TMCO4: variants seen among roughly 807,000 people sequenced by gnomAD.
The protein encoded by TMCO4 is transmembrane and coiled-coil domain-containing protein 4.
In TMCO4, 58 loss-of-function variants were observed where a neutral mutation model predicts 64.7. That is an observed-to-expected ratio of 0.90 (90% CI 0.73 to 1.12). The LOEUF (loss-of-function observed/expected upper bound fraction) is 1.12. Among genes scored for constraint, TMCO4 ranks in the 50% most tolerant of loss-of-function variants. The pLI, the probability that TMCO4 is intolerant of heterozygous loss-of-function variation, is 0.00. For missense variants in TMCO4, 780 were observed against 825.9 expected (o/e 0.94, Z 0.68); for synonymous variants, 325 against 346.1 (o/e 0.94, Z 0.68).
rs3048209 is a variant in TMCO4 at position 19,684,063 on chromosome 1, C to CTTTTTTT, written c.1501-626_1501-620dup. 5.3e-4 allele frequency among the ~76,000 whole-genome samples: 37 copies of CTTTTTTT among 70,308 alleles called. 1 individual carries two copies. The highest frequency in any genetic ancestry group is 2.3e-3 in the African/African-American group (34 of 14,528). The allele number at this position is 70,308 out of a possible 152,430, so 46.1% of individuals were successfully genotyped here. A position where few individuals can be genotyped will look rare whatever the true frequency, so the allele number is the denominator to read the frequency against. ...AGGCGTGAGCCACTGTGCCCGGCAGCTTTTTTTTTTTTTTTTTTTTTTTTT... is the reference window on the plus strand; with the variant it reads ...AGGCGTGAGCCACTGTGCCCGGCAGCTTTTTTTTTTTTTTTTTTTTTTTTTTTTTTTT... On this transcript the variant is annotated intron_variant, in intron 15 of 15. Coordinates refer to ENST00000294543, the MANE Select transcript of TMCO4 (RefSeq NM_181719.7).
At chr1:19,715,591 GAA>G (rs565400032) in intron 13 of TMCO4, among the ~76,000 whole-genome samples, 3 of 152,222 alleles carry the variant, frequency 2.0e-5, no homozygotes, top group Non-Finnish European at 4.4e-5. Context: ...CTGACGACAT[GAA>G]AATTTCTCAG....
Position 19,697,523 on chromosome 1 carries a change from T to C in TMCO4, c.1383-2972A>G, listed in dbSNP as rs183130168. The stretch of plus-strand genomic sequence containing the variant: ...ATCTTGGCTCACTGCAGCCTCTGCC[T>C]CCTAGGGTCAAGCCATCCTCCCATC... On this transcript the variant is annotated intron_variant, in intron 14 of 15. Coordinates refer to ENST00000294543, the MANE Select transcript of TMCO4 (RefSeq NM_181719.7). 2.7e-3 allele frequency among the ~76,000 whole-genome samples: 409 copies of C among 152,282 alleles called. 3 individuals carry two copies. The highest frequency in any genetic ancestry group is 9.5e-3 in the African/African-American group (396 of 41,544).
rs753022842 is a variant in TMCO4, at chr1:19,784,078, G to A, written c.-9+2948C>T. On this transcript the variant is annotated intron_variant, in intron 3 of 15. Transcript: ENST00000294543. Reference sequence around the variant, plus strand: ...GTGCCACTTGGAGGCTATATTGATCGCACCTATTACTCAGAGGAGCCCAAG... The same window carrying A: ...GTGCCACTTGGAGGCTATATTGATCACACCTATTACTCAGAGGAGCCCAAG... Among the ~76,000 whole-genome samples, 19 of 152,292 alleles carry A rather than the reference G, an allele frequency of 1.2e-4. No individual in the cohort carries two copies. The South Asian group carries it at 1.5e-3, about 12-fold the overall frequency.
chr1:19,689,348 C>T (rs2095174091), intron 15 of TMCO4, among the ~76,000 whole-genome samples: 1 of 152,226 alleles, frequency 6.6e-6, no homozygotes, highest in African/African-American at 2.4e-5. Context: ...GCCACGAAGA[C>T]AGCCTGAGGA....
chr1:19,774,475 T>C (rs761341590), intron 4 of TMCO4, among the ~76,000 whole-genome samples: 11 of 152,172 alleles, frequency 7.2e-5, no homozygotes, highest in African/African-American at 1.2e-4. Flanking sequence ...AAGTAAGTAT[T>C]TGTCATGTGC....
chr1:19,797,798 A>G (rs2044383236), intron 2 of TMCO4, among the ~76,000 whole-genome samples: 1 of 147,464 alleles, frequency 6.8e-6, no homozygotes, highest in South Asian at 2.2e-4. Context: ...TGGGAGGCGG[A>G]GGTTGCAGTG....
Position 19,683,178 on chromosome 1 carries a change from G to C in TMCO4, c.1767C>G (p.Asp589Glu). 2 of 1,614,218 alleles carry C rather than the reference G, an allele frequency of 1.2e-6. No individual in the cohort carries two copies. The highest frequency in any genetic ancestry group is 1.7e-6 in the Non-Finnish European group (2 of 1,180,032). ...PSQAQVPVGL[D>E]QSEGASLPAA... The stretch of plus-strand genomic sequence containing the variant: ...CAGGAAGGGAGGCCCCTTCAGACTG[G>C]TCCAGCCCTACTGGCACCTGGGCTT... Residue 589 changes from aspartate (D) to glutamate (E), a missense_variant, in exon 16 of 16, where the codon GAC becomes GAG. By Grantham distance (45) the Asp-to-Glu change is conservative. Coordinates refer to ENST00000294543, the MANE Select transcript of TMCO4 (RefSeq NM_181719.7).
chr1:19,719,046 T>C (rs1450974035), intron 13 of TMCO4, among the ~76,000 whole-genome samples: 1 of 152,148 alleles, frequency 6.6e-6, no homozygotes, highest in Non-Finnish European at 1.5e-5. Flanking sequence ...GCTGAAGAGA[T>C]CATTAGCTCC....
chr1:19,747,343 G>A, intron 7 of TMCO4, 83 bp from the exon 8 acceptor site: 1 of 1,184,930 alleles, frequency 8.4e-7, no homozygotes, highest in Non-Finnish European at 1.2e-6. Context: ...CCTCAAACAG[G>A]GGCCAATGCT....
intron 7 of TMCO4, among the ~76,000 whole-genome samples, chr1:19,753,248 C>T (rs2042099715): frequency 6.6e-6 from 1 of 152,232 alleles, no homozygotes; most frequent in Non-Finnish European, 1.5e-5. Context: ...GTGTGAGCCA[C>T]TGCGCCTGGC....
intron 13 of TMCO4, chr1:19,701,150 C>T (rs931839625): frequency 1.4e-5 from 4 of 286,588 alleles, no homozygotes; most frequent in African/African-American, 8.8e-5. Flanking sequence ...GATCATTACA[C>T]CATTTTATCT....
intron 7 of TMCO4, 67 bp downstream of exon 7, chr1:19,755,567 T>C: frequency 1.9e-6 from 3 of 1,596,878 alleles, no homozygotes; most frequent in Non-Finnish European, 2.6e-6. Flanking sequence ...AAGGGGACTC[T>C]GTTATCTGCA....
chr1:19,758,702 A>G (rs1230498850), intron 6 of TMCO4, among the ~76,000 whole-genome samples: 1 of 152,186 alleles, frequency 6.6e-6, no homozygotes, highest in East Asian at 1.9e-4. Flanking sequence ...AGGGAGGGGC[A>G]GAGTCCTGGG....
intron 13 of TMCO4, among the ~76,000 whole-genome samples, chr1:19,707,480 C>T (rs1049806570): frequency 3.9e-5 from 6 of 152,102 alleles, no homozygotes; most frequent in African/African-American, 9.7e-5. Context: ...AAAATTATCC[C>T]GGGGTGGTGG....
intron 6 of TMCO4, among the ~76,000 whole-genome samples, chr1:19,769,887 T>C (rs1488891763): frequency 8.4e-6 from 1 of 118,740 alleles, no homozygotes; most frequent in African/African-American, 3.1e-5. Flanking sequence ...GGGCCGGGGA[T>C]GCAAGCCGCA....
intron 4 of TMCO4, among the ~76,000 whole-genome samples, chr1:19,775,901 A>T (rs1255010809): frequency 6.6e-6 from 1 of 152,174 alleles, no homozygotes; most frequent in Non-Finnish European, 1.5e-5. Flanking sequence ...ATATTGAGGT[A>T]TTTATTTATT....
chr1:19,771,640 G>T (rs1414530871), intron 4 of TMCO4, among the ~76,000 whole-genome samples, 158 bp from the exon 5 acceptor site: 1 of 152,142 alleles, frequency 6.6e-6, no homozygotes, highest in Non-Finnish European at 1.5e-5. Flanking sequence ...ACCTCATCTT[G>T]GGTGATGTAA....
rs1487551044 is a variant in TMCO4 at position 19,746,570 on chromosome 1, C to T, written c.643G>A (p.Val215Ile). Residue 215 changes from valine (V) to isoleucine (I), a missense_variant, in exon 9 of 16, where the codon GTT (valine) becomes ATT (isoleucine). Val to Ile is a conservative substitution (Grantham distance 29, BLOSUM62 3). Coordinates refer to ENST00000294543, the MANE Select transcript of TMCO4 (RefSeq NM_181719.7). ...ATAATCGTCGCTGCTCCAGCGGCAACAAGGGGTGCAGCTAGACCTCCAGTC... is the reference window on the plus strand; with the variant it reads ...ATAATCGTCGCTGCTCCAGCGGCAATAAGGGGTGCAGCTAGACCTCCAGTC... ...GVTGGLAAPLVAAGAATIIGS... is the reference protein window; with the variant it reads ...GVTGGLAAPLIAAGAATIIGS... 1.2e-6 allele frequency: 2 copies of T among 1,610,966 alleles called. No homozygotes were observed. The highest frequency in any genetic ancestry group is 3.4e-5 in the Admixed American group (2 of 59,582).
chr1:19,739,865 C>T lies in TMCO4; in HGVS notation c.1138G>A (p.Val380Ile), dbSNP rs1352900222. The T allele has an allele frequency of 2.5e-6, 4 of 1,613,910 alleles. No individual in the cohort carries two copies. The highest frequency in any genetic ancestry group is 3.3e-5 in the Admixed American group (2 of 60,002). Reference protein sequence around the residue: ...WGVCLHRSAEVGKHLAHILLS... With the variant: ...WGVCLHRSAEIGKHLAHILLS... ...AGGATGTGGGCCAGGTGCTTGCCAACCTCTGCTGATCGATGGAGACACACC... is the reference window on the plus strand; with the variant it reads ...AGGATGTGGGCCAGGTGCTTGCCAATCTCTGCTGATCGATGGAGACACACC... Residue 380 changes from valine (V) to isoleucine (I), a missense_variant, in exon 12 of 16, where the codon GTT (valine) becomes ATT (isoleucine). Coordinates refer to ENST00000294543, the MANE Select transcript of TMCO4 (RefSeq NM_181719.7).
Sources: allele counts gnomAD v4.1 joint callset (sites outside exome capture counted in the v4.1 genomes callset), GRCh38; gene constraint gnomAD v4.1.1; transcripts MANE v1.5; gene names NCBI Gene and HGNC (gene_info 2026-07-23, HGNC 2026-07-21).